The following STXBP5L variants were observed in gnomAD, a reference collection of about 807,000 sequenced individuals.
STXBP5L encodes the protein syntaxin binding protein 5L.
STXBP5L carries 65 observed loss-of-function variants against 144.5 expected under a neutral mutation model. The observed-to-expected ratio is 0.45, with a 90% confidence interval of 0.37 to 0.55. The LOEUF (loss-of-function observed/expected upper bound fraction) is 0.55. STXBP5L is among the 20% of genes least tolerant of loss of function. The pLI is 0.00. For synonymous variants in STXBP5L, 505 were observed against 469.6 expected (o/e 1.08, Z -0.97); for missense variants, 1,298 against 1,405.5 (o/e 0.92, Z 1.22).
At chr3:121,203,895 C>T (rs952495820) in intron 9 of STXBP5L, among the ~76,000 whole-genome samples, 3 of 152,160 alleles carry the variant, frequency 2.0e-5, no homozygotes, top group African/African-American at 7.2e-5. Context: ...TCTATTCCCA[C>T]ATCATTACCA....
At position 121,007,214 on chromosome 3, in the gene STXBP5L, A is replaced by G. The variant is rs547780928; in HGVS notation, c.288-34486A>G. Among the ~76,000 whole-genome samples, 5 of 152,248 alleles carry G rather than the reference A, an allele frequency of 3.3e-5. No individual in the cohort carries two copies. The East Asian group carries it at 5.8e-4, about 18-fold the overall frequency. On this transcript the variant is annotated intron_variant, in intron 3 of 26. Coordinates refer to ENST00000471454, the MANE Select transcript of STXBP5L (RefSeq NM_001308330.2). ...TTAATTTTGAATAGATATTGAAGTTACTTTACATTTCTGTGATAAGCCCCC... is the reference window on the plus strand; with the variant it reads ...TTAATTTTGAATAGATATTGAAGTTGCTTTACATTTCTGTGATAAGCCCCC...
intron 19 of STXBP5L, 81 bp downstream of exon 19, chr3:121,280,037 T>C: frequency 6.7e-7 from 1 of 1,484,534 alleles, no homozygotes; most frequent in Non-Finnish European, 9.1e-7. Flanking sequence ...CTTTCTTCTC[T>C]GATACTATTC....
chr3:120,962,850 A>C (rs565891295), intron 3 of STXBP5L, among the ~76,000 whole-genome samples: 1 of 152,308 alleles, frequency 6.6e-6, no homozygotes, highest in Non-Finnish European at 1.5e-5. Flanking sequence ...CATTGAATCT[A>C]TAAATTACCT....
At position 121,422,242 on chromosome 3, in the gene STXBP5L, ACTC is replaced by A. The variant is rs2047366525; in HGVS notation, c.*3148_*3150del. The A allele has an allele frequency of 6.6e-6, 1 of 152,052 alleles. No homozygotes were observed. Among genetic ancestry groups the A allele is most frequent in the Non-Finnish European group, 1.5e-5 (1 of 68,004 alleles). 9.4% of individuals were successfully genotyped at this position (152,052 alleles called of 1,614,324 possible). On this transcript the variant is annotated 3_prime_UTR_variant, in exon 27 of 27. Transcript: ENST00000471454. Reference sequence around the variant, plus strand: ...TTCTATTTCGGAACATAAGAAAAATACTCCTAATAACTTGGACAATGATACAGA... The same window carrying A: ...TTCTATTTCGGAACATAAGAAAAATACTAATAACTTGGACAATGATACAGA...
intron 24 of STXBP5L, among the ~76,000 whole-genome samples, chr3:121,415,456 C>G (rs563901955): frequency 6.6e-6 from 1 of 152,214 alleles, no homozygotes; most frequent in African/African-American, 2.4e-5. Context: ...CACATACCAC[C>G]AAAGCTGTCC....
Position 121,415,175 on chromosome 3 carries a change from A to G in STXBP5L, c.3115-682A>G, listed in dbSNP as rs138298147. ...CTTTCTCCACACTGATGGTTCTTCA[A>G]CTTTGGTCTGCTTTAGAAAAAGCTG... is the stretch of plus-strand genomic sequence containing the variant. On this transcript the variant is annotated intron_variant, in intron 24 of 26. Coordinates refer to ENST00000471454, the MANE Select transcript of STXBP5L (RefSeq NM_001308330.2). Among the ~76,000 whole-genome samples the G allele has an allele frequency of 4.9e-3, 741 of 152,274 alleles. 10 individuals carry two copies. Among genetic ancestry groups the G allele is most frequent in the African/African-American group, 0.016 (685 of 41,564 alleles).
At chr3:121,202,091 T>A (rs546240076) in intron 9 of STXBP5L, among the ~76,000 whole-genome samples, 29 of 152,286 alleles carry the variant, frequency 1.9e-4, no homozygotes, top group African/African-American at 7.0e-4. Context: ...TTTTGTTATA[T>A]GTTTTATATC....
At chr3:121,096,152 C>T (rs2043117496) in intron 5 of STXBP5L, among the ~76,000 whole-genome samples, 1 of 152,146 alleles carries the variant, frequency 6.6e-6, no homozygotes. Context: ...AACCCGGTAC[C>T]TCAGTTGGAA....
At chr3:121,201,502 C>A (rs567302425) in intron 9 of STXBP5L, among the ~76,000 whole-genome samples, 3 of 152,230 alleles carry the variant, frequency 2.0e-5, no homozygotes, top group Non-Finnish European at 4.4e-5. Context: ...GAGACTTTAG[C>A]CCATTTACAT....
intron 20 of STXBP5L, chr3:121,358,049 T>C (rs1330639562): frequency 1.3e-5 from 2 of 152,224 alleles, no homozygotes; most frequent in Non-Finnish European, 2.9e-5. Context: ...TTACATGCAA[T>C]GTGAAATAAC....
intron 3 of STXBP5L, among the ~76,000 whole-genome samples, chr3:120,999,734 C>G (rs1213052807): frequency 6.6e-6 from 1 of 152,036 alleles, no homozygotes; most frequent in Admixed American, 6.6e-5. Flanking sequence ...TCAGGATTAG[C>G]ACTTCCTTAA....
At chr3:121,107,954 T>C (rs2043794517) in intron 5 of STXBP5L, among the ~76,000 whole-genome samples, 1 of 152,196 alleles carries the variant, frequency 6.6e-6, no homozygotes, top group African/African-American at 2.4e-5. Context: ...TATTCCTAGT[T>C]ATTTTATTCT....
At chr3:121,019,003 G>A (rs974625798) in intron 3 of STXBP5L, among the ~76,000 whole-genome samples, 3 of 152,128 alleles carry the variant, frequency 2.0e-5, no homozygotes, top group Admixed American at 6.5e-5. Context: ...ACCGGCTGCC[G>A]GGAAATAAAC....
chr3:121,108,466 A>T (rs775378103), intron 5 of STXBP5L, among the ~76,000 whole-genome samples: 16 of 152,216 alleles, frequency 1.1e-4, no homozygotes, highest in Non-Finnish European at 1.8e-4. Context: ...ATCTATTAAG[A>T]TAATCCTGTG....
At chr3:121,233,558 T>G in intron 11 of STXBP5L, 58 bp from the exon 12 acceptor site, 2 of 1,319,152 alleles carry the variant, frequency 1.5e-6, no homozygotes, top group Non-Finnish European at 2.1e-6. Context: ...AATGCAATTT[T>G]GCTGATTTTA....
intron 5 of STXBP5L, among the ~76,000 whole-genome samples, chr3:121,072,603 A>G (rs574715500): frequency 2.0e-5 from 3 of 152,334 alleles, no homozygotes; most frequent in Admixed American, 1.3e-4. Flanking sequence ...CCTTTTCATT[A>G]GAAGAGTAGT....
At chr3:121,304,215 A>C (rs1248670944) in intron 19 of STXBP5L, among the ~76,000 whole-genome samples, 1 of 152,184 alleles carries the variant, frequency 6.6e-6, no homozygotes, top group Non-Finnish European at 1.5e-5. Context: ...CATAAACCTA[A>C]TAAGAACTAT....
At chr3:121,274,307 A>G (rs1008083614) in intron 18 of STXBP5L, among the ~76,000 whole-genome samples, 1 of 152,200 alleles carries the variant, frequency 6.6e-6, no homozygotes, top group Admixed American at 6.5e-5. Context: ...AGACACAGGT[A>G]TGGTCTCAAT....
intron 11 of STXBP5L, among the ~76,000 whole-genome samples, chr3:121,224,025 A>G (rs1456549700): frequency 6.6e-6 from 1 of 152,188 alleles, no homozygotes; most frequent in African/African-American, 2.4e-5. Flanking sequence ...ACAACATAGT[A>G]TGTGTGTATA....
Sources: allele counts gnomAD v4.1 joint callset (sites outside exome capture counted in the v4.1 genomes callset), GRCh38; gene constraint gnomAD v4.1.1; transcripts MANE v1.5; gene names NCBI Gene and HGNC (gene_info 2026-07-23, HGNC 2026-07-21).